MARCHF1: variants seen among roughly 807,000 people sequenced by gnomAD.
MARCHF1 encodes the protein membrane associated ring-CH-type finger 1, also known as E3 ubiquitin-protein ligase MARCHF1.
MARCHF1 carries 40 observed loss-of-function variants against 54.2 expected under a neutral mutation model. That is an observed-to-expected ratio of 0.74 (90% CI 0.57 to 0.96). The LOEUF is 0.96. Ranked by LOEUF, MARCHF1 falls within the 40% of genes least tolerant of loss-of-function variation. The probability of loss-of-function intolerance (pLI) is 0.00; values close to 1 mark genes in which losing one functional copy is unlikely to be tolerated. For synonymous variants in MARCHF1, 236 were observed against 236.3 expected (o/e 1.00, Z 0.01); for missense variants, 586 against 656.5 (o/e 0.89, Z 1.17).
intron 1 of MARCHF1, among the ~76,000 whole-genome samples, chr4:164,213,628 G>A (rs1731842978): frequency 6.6e-6 from 1 of 151,914 alleles, no homozygotes. Context: ...ATAAAATTAG[G>A]TTATCAATAT....
chr4:164,349,610 G>C (rs1400542680), intron 1 of MARCHF1, among the ~76,000 whole-genome samples: 1 of 152,060 alleles, frequency 6.6e-6, no homozygotes, highest in Non-Finnish European at 1.5e-5. Context: ...TACAATTTTA[G>C]AGAGTAAAAG....
At chr4:164,285,677 C>T (rs1384279443) in intron 1 of MARCHF1, among the ~76,000 whole-genome samples, 1 of 151,714 alleles carries the variant, frequency 6.6e-6, no homozygotes, top group Admixed American at 6.6e-5. Flanking sequence ...CTCCTGACCT[C>T]GTGATCCACC....
intron 4 of MARCHF1, among the ~76,000 whole-genome samples, chr4:163,834,592 T>A: frequency 8.6e-6 from 1 of 116,234 alleles, no homozygotes; most frequent in Non-Finnish European, 1.8e-5. Context: ...CCCAATGCTA[T>A]CCCTCCCCCC....
intron 2 of MARCHF1, among the ~76,000 whole-genome samples, chr4:164,071,225 T>C (rs1358456831): frequency 6.6e-6 from 1 of 152,204 alleles, no homozygotes. Flanking sequence ...AAAACATGTT[T>C]GTTCAATTGT....
intron 4 of MARCHF1, among the ~76,000 whole-genome samples, chr4:163,722,947 A>C (rs935569727): frequency 2.4e-4 from 37 of 152,208 alleles, no homozygotes; most frequent in African/African-American, 6.5e-4. Context: ...TTCCTGAATA[A>C]AGCACACTGA....
At chr4:164,025,266 C>A (rs1380784268) in intron 2 of MARCHF1, among the ~76,000 whole-genome samples, 1 of 152,058 alleles carries the variant, frequency 6.6e-6, no homozygotes, top group Non-Finnish European at 1.5e-5. Context: ...AACACTCCAC[C>A]CAAAGATCAC....
At chr4:163,975,190 TCTCTCTCACACACACACA>T (rs1410552016) in intron 3 of MARCHF1, among the ~76,000 whole-genome samples, 5 of 120,436 alleles carry the variant, frequency 4.2e-5, no homozygotes, top group Admixed American at 1.7e-4. Flanking sequence ...TCTCTCTCTC[TCTCTCTCACACACACACA>T]CACACACACA....
At chr4:164,110,730 G>C (rs1755817527) in intron 2 of MARCHF1, among the ~76,000 whole-genome samples, 1 of 148,838 alleles carries the variant, frequency 6.7e-6, no homozygotes, top group Non-Finnish European at 1.5e-5. Flanking sequence ...AAAAAAAGCT[G>C]CAAGTGTCAA....
intron 1 of MARCHF1, among the ~76,000 whole-genome samples, chr4:164,285,276 G>C (rs981011738): frequency 6.6e-6 from 1 of 151,916 alleles, no homozygotes; most frequent in Admixed American, 6.6e-5. Flanking sequence ...CATGTCTGTG[G>C]CCCCACTACT....
chr4:163,858,798 G>A (rs530936645), intron 3 of MARCHF1, among the ~76,000 whole-genome samples: 2 of 152,268 alleles, frequency 1.3e-5, no homozygotes, highest in South Asian at 4.1e-4. Context: ...ATGTTTTCAC[G>A]TGCTCACACA....
rs909932568 is a variant in MARCHF1, at chr4:164,357,107, G to GT, written c.-323+26762dup. On this transcript the variant is annotated intron_variant, in intron 1 of 9. Coordinates refer to ENST00000514618, the MANE Select transcript of MARCHF1 (RefSeq NM_001394959.1). ...TCTGCATATGCACCCCTGAACTTAA[G>GT]TTTTTTTTTAAGAAAAAAAAAAATA... 9.7e-4 allele frequency among the ~76,000 whole-genome samples: 111 copies of GT among 114,394 alleles called. 1 individual carries two copies. The Middle Eastern group carries it at 0.013, about 13-fold the overall frequency. The allele number at this position is 114,394 out of a possible 152,430, so 75.0% of individuals were successfully genotyped here.
chr4:164,320,990 G>A (rs1735127076), intron 1 of MARCHF1, among the ~76,000 whole-genome samples: 1 of 152,188 alleles, frequency 6.6e-6, no homozygotes, highest in Non-Finnish European at 1.5e-5. Context: ...TGGAGTGAGA[G>A]CCTGGGACAA....
At chr4:163,857,503 G>C (rs907355416) in intron 3 of MARCHF1, among the ~76,000 whole-genome samples, 58 of 152,038 alleles carry the variant, frequency 3.8e-4, no homozygotes, top group African/African-American at 1.4e-3. Context: ...TAGGAAAGTG[G>C]TCATTAAGCA....
chr4:164,359,773 T>C (rs1023854059), intron 1 of MARCHF1, among the ~76,000 whole-genome samples: 2 of 152,166 alleles, frequency 1.3e-5, no homozygotes, highest in African/African-American at 4.8e-5. Flanking sequence ...GCTTACATTT[T>C]AGCTACCACC....
At chr4:164,085,181 G>A (rs919273159) in intron 2 of MARCHF1, among the ~76,000 whole-genome samples, 2 of 151,758 alleles carry the variant, frequency 1.3e-5, no homozygotes, top group African/African-American at 4.8e-5. Context: ...TTTCTGTGTA[G>A]TGGATCTATT....
chr4:164,295,349 G>A (rs558370881), intron 1 of MARCHF1, among the ~76,000 whole-genome samples: 1 of 152,128 alleles, frequency 6.6e-6, no homozygotes, highest in South Asian at 2.1e-4. Context: ...TGCATCTGCT[G>A]TTTTTCAAGG....
At chr4:163,989,567 T>C (rs1338848811) in intron 2 of MARCHF1, among the ~76,000 whole-genome samples, 1 of 152,162 alleles carries the variant, frequency 6.6e-6, no homozygotes, top group Non-Finnish European at 1.5e-5. Flanking sequence ...ACTATTACTG[T>C]CCTCTCAAAA....
At chr4:164,107,286 T>G (rs1419493518) in intron 2 of MARCHF1, among the ~76,000 whole-genome samples, 1 of 152,136 alleles carries the variant, frequency 6.6e-6, no homozygotes. Context: ...TTTAACAACA[T>G]TAAGCACATA....
At chr4:163,809,609 C>A (rs528197673) in intron 4 of MARCHF1, among the ~76,000 whole-genome samples, 1 of 152,190 alleles carries the variant, frequency 6.6e-6, no homozygotes, top group African/African-American at 2.4e-5. Flanking sequence ...CTGCATGAGG[C>A]AAATAGTATC....
Sources: gnomAD v4.1 joint callset for allele counts (sites outside exome capture counted in the v4.1 genomes callset) on GRCh38, gnomAD v4.1.1 for gene constraint, MANE v1.5 for transcripts, NCBI Gene and HGNC (gene_info 2026-07-23, HGNC 2026-07-21) for gene names.